RNF10: variants seen among roughly 807,000 people sequenced by gnomAD.
RNF10 encodes E3 ubiquitin-protein ligase RNF10.
A neutral mutation model predicts 91.4 loss-of-function variants in RNF10; 38 were observed. The ratio of observed to expected loss-of-function variants is 0.42; its 90% CI spans 0.32 to 0.54. The LOEUF is 0.54. RNF10 is among the 20% of genes least tolerant of loss of function. The pLI is 0.16. For synonymous variants in RNF10, 364 were observed against 366.3 expected (o/e 0.99, Z 0.07); for missense variants, 945 against 1,012.0 (o/e 0.93, Z 0.90).
rs778110394 is a variant in RNF10, at chr12:120,563,430, C to G, written c.1338C>G (p.Leu446=). 3.1e-6 allele frequency: 5 copies of G among 1,613,982 alleles called. No homozygotes were observed. In the African/African-American group the frequency reaches 6.7e-5, roughly 22 times the overall value. The part of the protein sequence containing the change: ...SLDTPSRPLA[L]PLVEEEEAVS... ...ACACTCCTTCTAGACCTCTTGCTCT[C>G]CCTCTGGTAGAAGAGGAGGAAGCAG... The change falls in exon 9 of 17, where the codon CTC becomes CTG. Residue 446 remains leucine, a synonymous_variant. Coordinates refer to ENST00000325954, the MANE Select transcript of RNF10 (RefSeq NM_014868.5).
At chr12:120,552,101 A>G (rs79890883) in intron 2 of RNF10, among the ~76,000 whole-genome samples, 7 of 150,454 alleles carry the variant, frequency 4.7e-5, no homozygotes, top group Admixed American at 1.3e-4. Context: ...AAAAAAAAAA[A>G]TTCCTCTTCC....
intron 7 of RNF10, 151 bp downstream of exon 7, chr12:120,561,037 C>T: frequency 1.2e-6 from 1 of 825,052 alleles, no homozygotes. Flanking sequence ...AGACAATAAG[C>T]AGAGAATGGC....
At position 120,560,804 on chromosome 12, in the gene RNF10, A is replaced by C; in HGVS notation, c.1046A>C (p.Lys349Thr). The change falls in exon 7 of 17, where the codon AAA (lysine) becomes ACA (threonine). Residue 349 changes from lysine (K) to threonine (T), a missense_variant. Physicochemically the swap from Lys to Thr is moderately conservative, Grantham distance 78. Coordinates refer to ENST00000325954, the MANE Select transcript of RNF10 (RefSeq NM_014868.5). ...QVLHRVVLEE[K>T]VALEQQLAEE... is the part of the protein sequence containing the mutation. ...CTGCACCGGGTAGTTCTGGAGGAGA[A>C]AGTAGCACTAGAGCAGCAGCTGGCA... The C allele has an allele frequency of 6.2e-7, 1 of 1,614,114 alleles. No homozygotes were observed. Among genetic ancestry groups the C allele is most frequent in the South Asian group, 1.1e-5 (1 of 91,068 alleles).
At chr12:120,539,009 G>T (rs1008830312) in intron 1 of RNF10, among the ~76,000 whole-genome samples, 1 of 152,130 alleles carries the variant, frequency 6.6e-6, no homozygotes, top group African/African-American at 2.4e-5. Flanking sequence ...TGGATTCCTT[G>T]GTTTATATGG....
chr12:120,536,696 A>G (rs1488458027), intron 1 of RNF10, among the ~76,000 whole-genome samples: 1 of 152,190 alleles, frequency 6.6e-6, no homozygotes, highest in Non-Finnish European at 1.5e-5. Context: ...ACTGGTTTAG[A>G]GTGGTCTGTT....
In RNF10 at chr12:120,563,925, T is replaced by C; in HGVS notation, c.1647T>C (p.Ala549=). 6.2e-7 allele frequency: 1 copy of C among 1,614,150 alleles called. No individual in the cohort carries two copies. The highest frequency in any genetic ancestry group is 1.6e-4 in the Middle Eastern group (1 of 6,062). Residue 549 remains alanine, a synonymous_variant, in exon 10 of 17, where the codon GCT becomes GCC. Coordinates refer to ENST00000325954, the MANE Select transcript of RNF10 (RefSeq NM_014868.5). The stretch of plus-strand genomic sequence containing the variant: ...TCTCAGCAACTGTGGTGGAGATTGC[T>C]GGCTACTCCATGTCTGAGGTGAGGC... ...EKISATVVEI[A]GYSMSEDVRQ... is the part of the protein sequence containing the mutation.
intron 7 of RNF10, among the ~76,000 whole-genome samples, chr12:120,561,503 A>T (rs1874836801): frequency 6.6e-6 from 1 of 152,212 alleles, no homozygotes; most frequent in African/African-American, 2.4e-5. Flanking sequence ...ATGGCTGCTC[A>T]TCCCCAGACC....
chr12:120,552,996 C>A (rs1873347427), intron 3 of RNF10, among the ~76,000 whole-genome samples: 1 of 142,618 alleles, frequency 7.0e-6, no homozygotes, highest in Non-Finnish European at 1.5e-5. Context: ...AGTAACTTAA[C>A]AGCTTTGAGA....
At chr12:120,575,548 C>CGG (rs1225742979) in intron 14 of RNF10, 83 bp from the exon 15 acceptor site, 1 of 1,462,374 alleles carries the variant, frequency 6.8e-7, no homozygotes, top group Non-Finnish European at 9.6e-7. Context: ...TTCTGTGCCT[C>CGG]TCCAGTTAGT....
Position 120,560,780 on chromosome 12 carries a change from T to A in RNF10, c.1022T>A (p.Leu341Gln). 1 of 1,614,044 alleles carries A rather than the reference T, an allele frequency of 6.2e-7. No homozygotes were observed. The highest frequency in any genetic ancestry group is 8.5e-7 in the Non-Finnish European group (1 of 1,179,954). Reference protein sequence around the residue: ...KLLLASKEQVLHRVVLEEKVA... With the variant: ...KLLLASKEQVQHRVVLEEKVA... ...CTGCTGGCCTCTAAGGAGCAGGTGC[T>A]GCACCGGGTAGTTCTGGAGGAGAAA... The change falls in exon 7 of 17, where the codon CTG (leucine) becomes CAG (glutamine). Residue 341 changes from leucine to glutamine, a missense_variant. Transcript: ENST00000325954.
chr12:120,534,569 C>G lies in RNF10; in HGVS notation c.-243C>G. ...CCCCGCAGCCTCCGCCCCGCCAGGC[C>G]CGGCCCGGACTCCCGAGCCCCGGCC... On this transcript the variant is annotated 5_prime_UTR_variant, in exon 1 of 17. Coordinates refer to ENST00000325954, the MANE Select transcript of RNF10 (RefSeq NM_014868.5). 1 of 870,378 alleles carries G rather than the reference C, an allele frequency of 1.1e-6. No homozygotes were observed. 53.9% of individuals were successfully genotyped at this position (870,378 alleles called of 1,614,324 possible). A position where few individuals can be genotyped will look rare whatever the true frequency, so the allele number is the denominator to read the frequency against.
At chr12:120,566,221 C>T (rs1048032533) in intron 12 of RNF10, among the ~76,000 whole-genome samples, 4 of 152,186 alleles carry the variant, frequency 2.6e-5, no homozygotes, top group Non-Finnish European at 5.9e-5. Flanking sequence ...TTTGAGAAAA[C>T]TGATATTTCA....
chr12:120,546,736 C>T (rs962279721), intron 2 of RNF10, 135 bp downstream of exon 2: 5 of 690,818 alleles, frequency 7.2e-6, no homozygotes, highest in Middle Eastern at 4.4e-4. Flanking sequence ...CTTGAGTAGG[C>T]GAGAGGGTTA....
chr12:120,561,184 A>G (rs1874789302), intron 7 of RNF10, among the ~76,000 whole-genome samples: 1 of 152,178 alleles, frequency 6.6e-6, no homozygotes, highest in Non-Finnish European at 1.5e-5. Flanking sequence ...GGAGTTTTTT[A>G]GATTAGCTAT....
Position 120,576,762 on chromosome 12 carries a change from A to AAAT in RNF10, c.*96_*97insAAT. ...GGCTGCTGTAATTTTTAAGTATTTG[A>AAAT]GTTTGAACAGATTAGCTCTGGGGGG... On this transcript the variant is annotated 3_prime_UTR_variant, in exon 17 of 17. Coordinates refer to ENST00000325954, the MANE Select transcript of RNF10 (RefSeq NM_014868.5). The AAAT allele has an allele frequency of 6.5e-7, 1 of 1,538,378 alleles. No homozygotes were observed. Among genetic ancestry groups the AAAT allele is most frequent in the African/African-American group, 1.4e-5 (1 of 71,398 alleles).
chr12:120,566,774 A>T (rs747389756), intron 12 of RNF10, 51 bp from the exon 13 acceptor site: 1 of 1,564,856 alleles, frequency 6.4e-7, no homozygotes, highest in South Asian at 1.2e-5. Flanking sequence ...AAAAAAAAAA[A>T]AAAAATTGAA....
chr12:120,561,087 T>C (rs538816380), intron 7 of RNF10, among the ~76,000 whole-genome samples: 12 of 152,170 alleles, frequency 7.9e-5, no homozygotes, highest in African/African-American at 2.9e-4. Flanking sequence ...TTGATGACAG[T>C]AGAGAAGGTT....
intron 14 of RNF10, 64 bp from the exon 15 acceptor site, chr12:120,575,567 G>C (rs559815852): frequency 6.3e-7 from 1 of 1,575,928 alleles, no homozygotes; most frequent in African/African-American, 1.3e-5. Context: ...GTCAAGGTAG[G>C]TCTGAAAAAG....
chr12:120,558,798 C>T lies in RNF10; in HGVS notation c.967+1116C>T, dbSNP rs143720189. Among the ~76,000 whole-genome samples the T allele has an allele frequency of 6.1e-4, 92 of 151,330 alleles. No individual in the cohort carries two copies. In the East Asian group the frequency reaches 0.012, roughly 19 times the overall value. The stretch of plus-strand genomic sequence containing the variant: ...TGTTGGCAGGCTAGTCTCGAACTCC[C>T]GAGCTCAAGTGATCTGCCCGCCTTA... On this transcript the variant is annotated intron_variant, in intron 6 of 16. Transcript: ENST00000325954.
Sources: allele counts gnomAD v4.1 joint callset (sites outside exome capture counted in the v4.1 genomes callset), GRCh38; gene constraint gnomAD v4.1.1; transcripts MANE v1.5; gene names NCBI Gene and HGNC (gene_info 2026-07-23, HGNC 2026-07-21).